PREP: variants seen among roughly 807,000 people sequenced by gnomAD.
PREP encodes the protein prolyl endopeptidase.
A neutral mutation model predicts 87.6 loss-of-function variants in PREP; 29 were observed. The observed-to-expected ratio is 0.33, with a 90% CI of 0.25 to 0.45. The LOEUF (loss-of-function observed/expected upper bound fraction) is 0.45. PREP is among the 20% of genes least tolerant of loss of function. The pLI is 1.00. For missense variants in PREP, 695 were observed against 886.5 expected, an observed-to-expected ratio of 0.78 and a Z score of 2.74; for synonymous variants, 337 against 328.6, an observed-to-expected ratio of 1.03 and a Z score of -0.28.
At chr6:105,302,551 G>A (rs908887021) in intron 10 of PREP, 10 of 392,514 alleles carry the variant, frequency 2.5e-5, no homozygotes, top group East Asian at 2.0e-4. Flanking sequence ...GGCCAGTGGC[G>A]CAGGCGCATG....
Position 105,353,042 on chromosome 6 carries a change from T to C in PREP, c.753A>G (p.Ile251Met). ...SDDGRYVLLS[I>M]REGCDPVNRL... is the part of the protein sequence containing the mutation. ...GGTTTACTGGATCACATCCTTCCCT[T>C]ATTGATAACAAGACATAGCGGCCAT... Residue 251 changes from isoleucine (I) to methionine (M), a missense_variant, in exon 7 of 15, where the codon ATA becomes ATG. By Grantham distance (10) the Ile-to-Met change is conservative. Transcript: ENST00000652536. 1 of 1,613,946 alleles carries C rather than the reference T, an allele frequency of 6.2e-7. No homozygotes were observed. Among genetic ancestry groups the C allele is most frequent in the South Asian group, 1.1e-5 (1 of 91,074 alleles).
rs1171081186 is a variant in PREP, at chr6:105,369,029, A to G, written c.596-5T>C. On this transcript the variant is annotated splice_region_variant and splice_polypyrimidine_tract_variant and intron_variant, in intron 5 of 14. Transcript: ENST00000652536. ...GATTGGTAGATGTCTCTGTGCCTGAAGGAGTTAAAAATGTACACTGAAATG... is the reference window on the plus strand; with the variant it reads ...GATTGGTAGATGTCTCTGTGCCTGAGGGAGTTAAAAATGTACACTGAAATG... The G allele has an allele frequency of 6.2e-7, 1 of 1,613,800 alleles. No individual in the cohort carries two copies. The highest frequency in any genetic ancestry group is 1.7e-5 in the Admixed American group (1 of 60,000).
At chr6:105,330,316 G>C (rs1251423047) in intron 8 of PREP, among the ~76,000 whole-genome samples, 1 of 152,170 alleles carries the variant, frequency 6.6e-6, no homozygotes. Context: ...AAGCCGGGGA[G>C]AACACCACAT....
At chr6:105,290,722 G>A (rs1770282349) in intron 10 of PREP, among the ~76,000 whole-genome samples, 1 of 152,140 alleles carries the variant, frequency 6.6e-6, no homozygotes, top group African/African-American at 2.4e-5. Flanking sequence ...CTGACTCCAG[G>A]ACAAAGGCAT....
At chr6:105,292,817 C>T (rs1357921056) in intron 10 of PREP, among the ~76,000 whole-genome samples, 6 of 152,228 alleles carry the variant, frequency 3.9e-5, no homozygotes, top group Non-Finnish European at 8.8e-5. Flanking sequence ...GCTTCTACAT[C>T]AGCACTTCCT....
At chr6:105,388,907 C>A (rs1028285073) in intron 2 of PREP, among the ~76,000 whole-genome samples, 4 of 152,184 alleles carry the variant, frequency 2.6e-5, no homozygotes, top group Non-Finnish European at 4.4e-5. Context: ...AAGGCTACTG[C>A]CTTTAAGTAA....
At position 105,402,867 on chromosome 6, in the gene PREP, C is replaced by G. The variant is rs1159571761; in HGVS notation, c.25G>C (p.Val9Leu). The change falls in exon 1 of 15, where the codon GTG (valine) becomes CTG (leucine). Residue 9 changes from valine to leucine, a missense_variant. By Grantham distance (32) the Val-to-Leu change is conservative (BLOSUM62 1). Coordinates refer to ENST00000652536, the MANE Select transcript of PREP (RefSeq NM_002726.5). The stretch of plus-strand genomic sequence containing the variant: ...CTTACGGCGGTCTCGTCGCGGTACA[C>G]GTCGGGGTACTGAAGGGACAGCATG... The part of the protein sequence containing the change: MLSLQYPD[V>L]YRDETAVQDY... 7.8e-6 allele frequency: 12 copies of G among 1,543,864 alleles called. No homozygotes were observed. The highest frequency in any genetic ancestry group is 1.0e-5 in the Non-Finnish European group (12 of 1,143,092).
At chr6:105,376,849 A>T (rs1772699985) in intron 3 of PREP, among the ~76,000 whole-genome samples, 1 of 152,242 alleles carries the variant, frequency 6.6e-6, no homozygotes, top group Non-Finnish European at 1.5e-5. Flanking sequence ...GGCAGACTGT[A>T]CGTTGCCGAT....
Position 105,358,302 on chromosome 6 carries a change from T to G in PREP, c.718-5225A>C, listed in dbSNP as rs570453804. 7.4e-5 allele frequency among the ~76,000 whole-genome samples: 11 copies of G among 149,310 alleles called. No individual in the cohort carries two copies. The South Asian group carries it at 2.1e-3, about 28-fold the overall frequency. On this transcript the variant is annotated intron_variant, in intron 6 of 14. Coordinates refer to ENST00000652536, the MANE Select transcript of PREP (RefSeq NM_002726.5). Reference sequence around the variant, plus strand: ...ACAATAAACATCAAGGTTAAAACTCTTTACCATTTTTATTACTGTCAATTT... The same window carrying G: ...ACAATAAACATCAAGGTTAAAACTCGTTACCATTTTTATTACTGTCAATTT...
intron 2 of PREP, among the ~76,000 whole-genome samples, chr6:105,380,634 A>G (rs1045744645): frequency 1.3e-5 from 2 of 152,166 alleles, no homozygotes; most frequent in African/African-American, 4.8e-5. Context: ...AAATGGGCAC[A>G]GCACATGTTA....
At chr6:105,378,051 G>C (rs33926209) in intron 2 of PREP, among the ~76,000 whole-genome samples, 15,984 of 152,238 alleles carry the variant, frequency 0.1, 1,055 homozygotes, top group African/African-American at 0.17. Flanking sequence ...GAGTCAAAGA[G>C]AGAAAGTTAG....
At chr6:105,345,862 C>G (rs1411238326) in intron 7 of PREP, among the ~76,000 whole-genome samples, 2 of 152,070 alleles carry the variant, frequency 1.3e-5, no homozygotes, top group Admixed American at 6.6e-5. Context: ...AATGAGAGGC[C>G]TACATTTGTA....
chr6:105,377,300 G>C, intron 3 of PREP, 86 bp downstream of exon 3: 1 of 1,404,636 alleles, frequency 7.1e-7, no homozygotes, highest in Non-Finnish European at 9.7e-7. Flanking sequence ...CTTATACAAG[G>C]ACAAGTTATC....
At chr6:105,348,823 G>A (rs1274314132) in intron 7 of PREP, among the ~76,000 whole-genome samples, 1 of 150,160 alleles carries the variant, frequency 6.7e-6, no homozygotes, top group East Asian at 2.0e-4. Context: ...AGGTTGCGGT[G>A]AACTGAGATC....
chr6:105,277,989 A>AGAT lies in PREP; in HGVS notation c.*152_*154dup, dbSNP rs1479690604. 2 of 1,069,542 alleles carry AGAT rather than the reference A, an allele frequency of 1.9e-6. No homozygotes were observed. Among genetic ancestry groups the AGAT allele is most frequent in the African/African-American group, 1.6e-5 (1 of 62,796 alleles). The allele number at this position is 1,069,542 out of a possible 1,614,324, so 66.3% of individuals were successfully genotyped here. ...TTGCTAAAAAGGAGAAGCCTAAAAA[A>AGAT]GATAAAATTCCCACGGCAGTTCTGT... is the stretch of plus-strand genomic sequence containing the variant. On this transcript the variant is annotated 3_prime_UTR_variant, in exon 15 of 15. Transcript: ENST00000652536.
chr6:105,368,834 A>C, intron 6 of PREP, 69 bp downstream of exon 6: 2 of 1,566,982 alleles, frequency 1.3e-6, no homozygotes, highest in African/African-American at 2.7e-5. Flanking sequence ...TCACCACATA[A>C]TAAGAATATT....
intron 9 of PREP, among the ~76,000 whole-genome samples, chr6:105,324,451 TGCTACTAC>T (rs1171573599): frequency 1.3e-5 from 2 of 152,264 alleles, no homozygotes; most frequent in East Asian, 3.8e-4. Context: ...CCAAATTTAA[TGCTACTAC>T]TTTCTAACAT....
intron 10 of PREP, among the ~76,000 whole-genome samples, chr6:105,300,937 C>T (rs550158450): frequency 5.4e-4 from 82 of 152,358 alleles, no homozygotes; most frequent in African/African-American, 1.9e-3. Context: ...CAAAGATCAA[C>T]TGTCTCTCTT....
rs1773469328 is a variant in PREP at position 105,402,779 on chromosome 6, G to A, written c.45+68C>T. On this transcript the variant is annotated intron_variant, in intron 1 of 14. Transcript: ENST00000652536. ...AGGCCTACAGGAAGAGGAGCTGCGG[G>A]TGCCACGGGTCAGGCAGGCTGGGCA... The A allele has an allele frequency of 9.9e-6, 14 of 1,407,844 alleles. 1 individual carries two copies. The highest frequency in any genetic ancestry group is 5.3e-5 in the South Asian group (4 of 76,026). The allele number at this position is 1,407,844 out of a possible 1,614,324, so 87.2% of individuals were successfully genotyped here.
Sources: gnomAD v4.1 joint callset for allele counts (sites outside exome capture counted in the v4.1 genomes callset) on GRCh38, gnomAD v4.1.1 for gene constraint, MANE v1.5 for transcripts, NCBI Gene and HGNC (gene_info 2026-07-23, HGNC 2026-07-21) for gene names.